CSMD2: variants seen among roughly 807,000 people sequenced by gnomAD.
CSMD2 encodes CUB and sushi domain-containing protein 2.
In CSMD2, 130 loss-of-function variants were observed where a neutral mutation model predicts 398.5. The ratio of observed to expected loss-of-function variants is 0.33; its 90% CI spans 0.28 to 0.38. The LOEUF (loss-of-function observed/expected upper bound fraction) is 0.38. Among genes scored for constraint, CSMD2 ranks in the 10% least tolerant of loss-of-function variants. The pLI is 1.00. For missense variants in CSMD2, 3,829 were observed against 4,764.9 expected, an observed-to-expected ratio of 0.80 and a Z score of 5.78; for synonymous variants, 1,828 against 1,908.5, an observed-to-expected ratio of 0.96 and a Z score of 1.10.
intron 15 of CSMD2, among the ~76,000 whole-genome samples, chr1:33,738,147 A>G (rs749105705): frequency 9.2e-5 from 14 of 152,018 alleles, no homozygotes; most frequent in Non-Finnish European, 5.9e-5. Flanking sequence ...CATGGCCACT[A>G]TGCCCAGATT....
intron 1 of CSMD2, among the ~76,000 whole-genome samples, chr1:34,091,546 A>AT: frequency 6.6e-6 from 1 of 152,206 alleles, no homozygotes. Context: ...CTCGACACTA[A>AT]TTTTTTTAAA....
At chr1:33,776,992 G>C (rs2149339736) in intron 12 of CSMD2, among the ~76,000 whole-genome samples, 1 of 152,248 alleles carries the variant, frequency 6.6e-6, no homozygotes, top group Middle Eastern at 3.4e-3. Flanking sequence ...GAGAGGCAAG[G>C]TGATGGCAAG....
At chr1:33,841,735 C>CACTACATAAAATACTT (rs1660875323) in intron 6 of CSMD2, among the ~76,000 whole-genome samples, 2 of 152,086 alleles carry the variant, frequency 1.3e-5, no homozygotes, top group Admixed American at 6.5e-5. Flanking sequence ...AGGTAAATAC[C>CACTACATAAAATACTT]CACTACATAA....
intron 32 of CSMD2, among the ~76,000 whole-genome samples, chr1:33,627,574 A>C (rs936289769): frequency 1.3e-5 from 2 of 152,196 alleles, no homozygotes; most frequent in Non-Finnish European, 2.9e-5. Flanking sequence ...CAACGGAACT[A>C]CTGGGAGGTC....
chr1:33,783,918 C>T (rs1486804381), intron 12 of CSMD2, among the ~76,000 whole-genome samples: 1 of 152,128 alleles, frequency 6.6e-6, no homozygotes, highest in Non-Finnish European at 1.5e-5. Context: ...ATCATTCTCA[C>T]ACCCTCCTGG....
At position 33,874,347 on chromosome 1, in the gene CSMD2, C is replaced by T. The variant is rs1009136003; in HGVS notation, c.921-27351G>A. 4.6e-5 allele frequency among the ~76,000 whole-genome samples: 7 copies of T among 152,278 alleles called. No homozygotes were observed. In the South Asian group the frequency reaches 1.0e-3, roughly 23 times the overall value. On this transcript the variant is annotated intron_variant, in intron 5 of 70. Transcript: ENST00000373381. The stretch of plus-strand genomic sequence containing the variant: ...ACTTAAGAAAAACATTCAATGAGAG[C>T]GGTACTTTAAACACCCCATTTTACA...
chr1:33,735,422 GC>G (rs959048072), intron 15 of CSMD2, among the ~76,000 whole-genome samples: 1 of 152,090 alleles, frequency 6.6e-6, no homozygotes, highest in African/African-American at 2.4e-5. Context: ...AGGCAGGTAC[GC>G]CGGTGTAGCT....
At chr1:34,001,305 T>A in intron 3 of CSMD2, among the ~76,000 whole-genome samples, 1 of 152,134 alleles carries the variant, frequency 6.6e-6, no homozygotes, top group East Asian at 1.9e-4. Context: ...AAGTTGAATT[T>A]CAAGATCAAA....
chr1:33,637,736 G>T (rs1186326597), intron 29 of CSMD2, among the ~76,000 whole-genome samples: 1 of 152,142 alleles, frequency 6.6e-6, no homozygotes, highest in Non-Finnish European at 1.5e-5. Flanking sequence ...ATTATTGGGG[G>T]GCAACAGAGA....
intron 12 of CSMD2, among the ~76,000 whole-genome samples, chr1:33,774,107 TTGTGTGTGTG>T (rs61454614): frequency 0.076 from 10,710 of 141,650 alleles, 452 homozygotes; most frequent in South Asian, 0.13. Context: ...ATGGCTGGGA[TTGTGTGTGTG>T]TGTGTGTGTG....
intron 3 of CSMD2, among the ~76,000 whole-genome samples, chr1:33,943,909 ATATAT>A (rs1342510880): frequency 1.4e-4 from 20 of 143,570 alleles, no homozygotes; most frequent in African/African-American, 5.4e-4. Context: ...AATATATATT[ATATAT>A]TAATCAGAAT....
intron 12 of CSMD2, among the ~76,000 whole-genome samples, chr1:33,772,963 T>A (rs1651486464): frequency 6.6e-6 from 1 of 152,200 alleles, no homozygotes; most frequent in South Asian, 2.1e-4. Flanking sequence ...TGAATGGGCT[T>A]CCAGCTATCA....
intron 13 of CSMD2, among the ~76,000 whole-genome samples, chr1:33,766,606 G>A (rs1650534369): frequency 1.3e-5 from 2 of 152,194 alleles, no homozygotes; most frequent in Admixed American, 6.5e-5. Flanking sequence ...ATTCATCTCT[G>A]AATTCGTGGC....
chr1:33,701,084 G>A (rs775260455), intron 22 of CSMD2, among the ~76,000 whole-genome samples: 13 of 152,156 alleles, frequency 8.5e-5, no homozygotes, highest in Admixed American at 2.0e-4. Flanking sequence ...TCTCTACATT[G>A]CTAAACCCTC....
chr1:33,521,143 G>A (rs943978209), intron 68 of CSMD2, among the ~76,000 whole-genome samples: 5 of 152,176 alleles, frequency 3.3e-5, no homozygotes, highest in African/African-American at 1.2e-4. Context: ...GTTGAGGCAG[G>A]GGTGACACCC....
intron 58 of CSMD2, among the ~76,000 whole-genome samples, chr1:33,542,081 G>A (rs1183895718): frequency 6.6e-6 from 1 of 152,146 alleles, no homozygotes; most frequent in African/African-American, 2.4e-5. Flanking sequence ...ATTTCAGAGG[G>A]AGTCGAAATC....
At chr1:33,979,748 T>C (rs1570700424) in intron 3 of CSMD2, among the ~76,000 whole-genome samples, 1 of 152,236 alleles carries the variant, frequency 6.6e-6, no homozygotes, top group East Asian at 1.9e-4. Flanking sequence ...TGAGTGTGAC[T>C]GGATGTCTCA....
chr1:33,674,327 A>G, intron 25 of CSMD2, among the ~76,000 whole-genome samples: 1 of 152,170 alleles, frequency 6.6e-6, no homozygotes, highest in East Asian at 1.9e-4. Flanking sequence ...GATAAAACAG[A>G]CTTTGAACCA....
At chr1:33,599,471 T>G (rs1640066042) in intron 44 of CSMD2, 1 of 152,238 alleles carries the variant, frequency 6.6e-6, no homozygotes, top group Non-Finnish European at 1.5e-5. Flanking sequence ...TCATTTAACT[T>G]TAGGAGGTTA....
Sources: allele counts gnomAD v4.1 joint callset (sites outside exome capture counted in the v4.1 genomes callset), GRCh38; gene constraint gnomAD v4.1.1; transcripts MANE v1.5; gene names NCBI Gene and HGNC (gene_info 2026-07-23, HGNC 2026-07-21).